The following PUDP variants were observed in gnomAD, a reference collection of about 807,000 sequenced individuals.
The protein encoded by PUDP is pseudouridine 5'-phosphatase, also known as pseudouridine-5'-phosphatase.
A neutral mutation model predicts 9.4 loss-of-function variants in PUDP; 8 were observed. The ratio of observed to expected loss-of-function variants is 0.85; its 90% CI spans 0.50 to 1.53. PUDP has a LOEUF of 1.53. Ranked by LOEUF, PUDP falls within the 40% of genes most tolerant of loss-of-function variation. The probability of loss-of-function intolerance (pLI) is 0.00; values close to 1 mark genes in which losing one functional copy is unlikely to be tolerated. For synonymous variants in PUDP, 99 were observed against 80.7 expected, an observed-to-expected ratio of 1.23 and a Z score of -1.22; for missense variants, 188 against 189.7, an observed-to-expected ratio of 0.99 and a Z score of 0.05.
At chrX:7,092,184 C>T in intron 2 of PUDP, among the ~76,000 whole-genome samples, 1 of 112,784 alleles carries the variant, frequency 8.9e-6, no homozygotes, top group Non-Finnish European at 1.9e-5. Flanking sequence ...ACCCTGACTA[C>T]GTCACAAAAC....
At chrX:7,080,586 C>T (rs1931051188) in intron 2 of PUDP, among the ~76,000 whole-genome samples, 1 of 111,926 alleles carries the variant, frequency 8.9e-6, no homozygotes, top group Admixed American at 9.5e-5. Context: ...TAGAAGTACT[C>T]CACCTAAAGA....
chrX:6,856,320 C>G (rs1012671827), intron 3 of PUDP, among the ~76,000 whole-genome samples: 3 of 111,838 alleles, frequency 2.7e-5, no homozygotes, highest in African/African-American at 3.2e-5. Context: ...CTATTATCTG[C>G]AGTGAGCACC....
chrX:6,951,076 C>T (rs1044934683), intron 3 of PUDP, among the ~76,000 whole-genome samples: 1 of 111,497 alleles, frequency 9.0e-6, no homozygotes, highest in Non-Finnish European at 1.9e-5. Flanking sequence ...TCCAAACTCA[C>T]CCTGCAGATC....
chrX:7,023,298 G>A (rs1929658939), intron 1 of PUDP, among the ~76,000 whole-genome samples: 1 of 111,926 alleles, frequency 8.9e-6, no homozygotes, highest in Admixed American at 9.5e-5. Flanking sequence ...AAGATTCACA[G>A]TGTTTGGCAT....
chrX:6,826,149 C>T (rs1926419922), intron 3 of PUDP, among the ~76,000 whole-genome samples: 1 of 111,496 alleles, frequency 9.0e-6, no homozygotes, highest in Admixed American at 9.5e-5. Context: ...AAGTCCCCTT[C>T]CCCCATACTC....
intron 3 of PUDP, among the ~76,000 whole-genome samples, chrX:6,880,511 C>G (rs1473427940): frequency 8.9e-6 from 1 of 111,854 alleles, no homozygotes. Flanking sequence ...CCTTAGTTTA[C>G]AAAAACAGAG....
chrX:6,730,573 T>C (rs1318213320), intron 3 of PUDP, among the ~76,000 whole-genome samples: 1 of 111,902 alleles, frequency 8.9e-6, no homozygotes, highest in Non-Finnish European at 1.9e-5. Flanking sequence ...GACCCACAAG[T>C]CAATAGAACA....
At position 6,750,662 on chromosome X, in the gene PUDP, C is replaced by G. The variant is rs1169765411; in HGVS notation, c.*248-44196G>C. ...CAGTTTCAGTAAAAATTCCAAAGAC[C>G]TCATTTAAGAGCTTCATTCCAACTA... On this transcript the variant is annotated intron_variant and NMD_transcript_variant, in intron 3 of 3. Transcript: ENST00000655425. Among the ~76,000 whole-genome samples, 6 of 111,282 alleles carry G rather than the reference C, an allele frequency of 5.4e-5. No individual in the cohort carries two copies. In the East Asian group the frequency reaches 1.7e-3, roughly 31 times the overall value.
At chrX:6,860,115 C>T (rs377446655) in intron 3 of PUDP, among the ~76,000 whole-genome samples, 1 of 111,021 alleles carries the variant, frequency 9.0e-6, no homozygotes, top group East Asian at 2.8e-4. Flanking sequence ...GGCTTTGGAC[C>T]CATGTAGCTC....
rs184713099 is a variant in PUDP, at chrX:6,995,550, C to T, written c.205-17207G>A. On this transcript the variant is annotated intron_variant and NMD_transcript_variant, in intron 1 of 3. Transcript: ENST00000655425. ...ACCAGCCTGGGCAACATGGCAAAAC[C>T]CCGTCTCTAAAAATTATACAAAAAT... Among the ~76,000 whole-genome samples, 246 of 109,399 alleles carry T rather than the reference C, an allele frequency of 2.2e-3. 2 individuals carry two copies. The highest frequency in any genetic ancestry group is 7.9e-3 in the African/African-American group (237 of 30,024). 95.0% of individuals were successfully genotyped at this position (109,399 alleles called of 115,157 possible).
intron 2 of PUDP, among the ~76,000 whole-genome samples, chrX:7,094,767 A>C (rs1346750666): frequency 8.9e-6 from 1 of 111,959 alleles, no homozygotes; most frequent in Admixed American, 9.4e-5. Context: ...TTTCCTGAAC[A>C]TGGGGCTAAT....
chrX:6,928,296 G>T (rs907434253), intron 3 of PUDP, among the ~76,000 whole-genome samples: 1 of 111,070 alleles, frequency 9.0e-6, no homozygotes, highest in African/African-American at 3.3e-5. Flanking sequence ...AAAAACCACT[G>T]TTCTCCTTGG....
At chrX:6,986,792 C>T (rs987261618) in intron 1 of PUDP, among the ~76,000 whole-genome samples, 1 of 112,153 alleles carries the variant, frequency 8.9e-6, no homozygotes, top group African/African-American at 3.2e-5. Flanking sequence ...CAATCCACTG[C>T]TCAGAGGTGA....
intron 1 of PUDP, among the ~76,000 whole-genome samples, chrX:7,039,305 G>A (rs1929891402): frequency 9.0e-6 from 1 of 111,714 alleles, no homozygotes; most frequent in Non-Finnish European, 1.9e-5. Context: ...CATCAACAAG[G>A]TTTATTTGAA....
intron 3 of PUDP, among the ~76,000 whole-genome samples, chrX:6,846,758 T>A (rs1926755820): frequency 9.0e-6 from 1 of 111,659 alleles, no homozygotes; most frequent in Non-Finnish European, 1.9e-5. Context: ...TTTTATATAT[T>A]AATATATTGT....
At chrX:6,891,763 C>T (rs1239358337) in intron 3 of PUDP, among the ~76,000 whole-genome samples, 1 of 112,147 alleles carries the variant, frequency 8.9e-6, no homozygotes, top group Non-Finnish European at 1.9e-5. Flanking sequence ...TCACCATCTG[C>T]AGAGTCCAGT....
chrX:6,966,754 G>T (rs1928791923), intron 3 of PUDP, among the ~76,000 whole-genome samples: 1 of 110,766 alleles, frequency 9.0e-6, no homozygotes, highest in Non-Finnish European at 1.9e-5. Flanking sequence ...TTGCTATATT[G>T]CCCTGGTTGG....
At chrX:7,074,104 T>C (rs1189011419) in intron 3 of PUDP, among the ~76,000 whole-genome samples, 1 of 112,667 alleles carries the variant, frequency 8.9e-6, no homozygotes, top group East Asian at 2.8e-4. Context: ...GGCTAATTTT[T>C]TGTGGAGACA....
chrX:6,904,123 T>C (rs1348933991), intron 3 of PUDP, among the ~76,000 whole-genome samples: 1 of 109,228 alleles, frequency 9.2e-6, no homozygotes, highest in Non-Finnish European at 1.9e-5. Context: ...AGCTAATTGC[T>C]GTATTTTTAG....
Sources: gnomAD v4.1 joint callset for allele counts (sites outside exome capture counted in the v4.1 genomes callset) on GRCh38, gnomAD v4.1.1 for gene constraint, MANE v1.5 for transcripts, NCBI Gene and HGNC (gene_info 2026-07-23, HGNC 2026-07-21) for gene names.